The following SGCD variants were observed in gnomAD, a reference collection of about 807,000 sequenced individuals.
SGCD encodes delta-sarcoglycan.
A neutral mutation model predicts 36.6 loss-of-function variants in SGCD; 18 were observed. The observed-to-expected ratio is 0.49, with a 90% CI of 0.34 to 0.73. The LOEUF (loss-of-function observed/expected upper bound fraction) is 0.73, where lower values mean the gene tolerates loss of function less well. Among genes scored for constraint, SGCD ranks in the 30% least tolerant of loss-of-function variants. The pLI, the probability that SGCD is intolerant of heterozygous loss-of-function variation, is 0.01. For synonymous variants in SGCD, 133 were observed against 130.6 expected (o/e 1.02, Z -0.12); for missense variants, 387 against 346.7 (o/e 1.12, Z -0.92).
At chr5:155,911,024 A>G (rs1756617048) in intron 1 of SGCD, among the ~76,000 whole-genome samples, 1 of 152,088 alleles carries the variant, frequency 6.6e-6, no homozygotes, top group Admixed American at 6.6e-5. Flanking sequence ...TTCAAAGACG[A>G]GTAGGGTGAA....
intron 1 of SGCD, among the ~76,000 whole-genome samples, chr5:156,007,797 A>G (rs936382347): frequency 6.6e-6 from 1 of 152,252 alleles, no homozygotes; most frequent in Non-Finnish European, 1.5e-5. Flanking sequence ...ACAAAAAGCT[A>G]TCCAGATGTT....
Position 156,759,417 on chromosome 5 carries a change from G to A in SGCD, c.*27G>A. 6 of 1,549,714 alleles carry A rather than the reference G, an allele frequency of 3.9e-6. No individual in the cohort carries two copies. Among genetic ancestry groups the A allele is most frequent in the Non-Finnish European group, 5.3e-6 (6 of 1,141,616 alleles). ...AGACTATCCATAGTGGACATTGTTGGCAGCATAAAGGCCTTTTTTGGCTTT... is the reference window on the plus strand; with the variant it reads ...AGACTATCCATAGTGGACATTGTTGACAGCATAAAGGCCTTTTTTGGCTTT... On this transcript the variant is annotated 3_prime_UTR_variant, in exon 9 of 9. Coordinates refer to ENST00000337851, the MANE Select transcript of SGCD (RefSeq NM_000337.6).
rs368727803 is a variant in SGCD, at chr5:156,612,593, A to T, written c.502+17542A>T. Among the ~76,000 whole-genome samples the T allele has an allele frequency of 7.2e-5, 11 of 152,328 alleles. 1 individual carries two copies. In the East Asian group the frequency reaches 2.1e-3, roughly 29 times the overall value. On this transcript the variant is annotated intron_variant, in intron 6 of 8. Coordinates refer to ENST00000337851, the MANE Select transcript of SGCD (RefSeq NM_000337.6). ...TTCCCCACTATGCAGGTCTGCCTGTATGGGGGTAAGGGTGTTGGATGGATT... is the reference window on the plus strand; with the variant it reads ...TTCCCCACTATGCAGGTCTGCCTGTTTGGGGGTAAGGGTGTTGGATGGATT...
intron 3 of SGCD, among the ~76,000 whole-genome samples, chr5:156,293,888 T>A (rs186371909): frequency 6.6e-6 from 1 of 152,278 alleles, no homozygotes; most frequent in East Asian, 1.9e-4. Flanking sequence ...GAAATTTTGA[T>A]AGGGATTGCA....
intron 4 of SGCD, among the ~76,000 whole-genome samples, chr5:156,513,395 C>T (rs963752677): frequency 7.2e-5 from 11 of 152,152 alleles, no homozygotes; most frequent in Admixed American, 1.3e-4. Context: ...GCTTACTGGT[C>T]GTTTTCTGAT....
rs146114214 is a variant in SGCD at position 156,560,500 on chromosome 5, A to C, written c.295-28731A>C. Among the ~76,000 whole-genome samples the C allele has an allele frequency of 1.8e-4, 28 of 152,304 alleles. No homozygotes were observed. In the East Asian group the frequency reaches 4.8e-3, roughly 26 times the overall value. ...TTCCATATGATGATGGCATTAATGC[A>C]CCTGTAGGCTATGTTTATGTGGCAA... is the stretch of plus-strand genomic sequence containing the variant. On this transcript the variant is annotated intron_variant, in intron 4 of 8. Transcript: ENST00000337851.
At chr5:155,961,228 A>G (rs568883739) in intron 1 of SGCD, among the ~76,000 whole-genome samples, 3 of 152,228 alleles carry the variant, frequency 2.0e-5, no homozygotes, top group African/African-American at 7.2e-5. Flanking sequence ...AAGAACAAAA[A>G]TAAATATACT....
chr5:156,229,211 T>C (rs1013349686), intron 3 of SGCD, among the ~76,000 whole-genome samples: 26 of 144,788 alleles, frequency 1.8e-4, no homozygotes, highest in Middle Eastern at 7.3e-3. Flanking sequence ...TGAGTTAATA[T>C]TTAATAAACT....
the SGCD span, among the ~76,000 whole-genome samples, chr5:155,779,869 A>T: frequency 6.6e-6 from 1 of 152,108 alleles, no homozygotes; most frequent in Non-Finnish European, 1.5e-5. Context: ...TCATATTTTA[A>T]TTTTTTAAAT....
At chr5:155,807,285 C>A in the SGCD span, among the ~76,000 whole-genome samples, 1 of 152,196 alleles carries the variant, frequency 6.6e-6, no homozygotes, top group African/African-American at 2.4e-5. Flanking sequence ...TGTAATAGCA[C>A]ACCATAAATT....
chr5:156,322,282 A>T (rs1767690595), upstream of SGCD, among the ~76,000 whole-genome samples: 1 of 152,338 alleles, frequency 6.6e-6, no homozygotes, highest in Admixed American at 6.5e-5. Context: ...AGTAAATGAG[A>T]TCTAAAAAGT....
intron 2 of SGCD, among the ~76,000 whole-genome samples, chr5:156,333,446 AC>A (rs1768165002): frequency 6.6e-6 from 1 of 152,228 alleles, no homozygotes; most frequent in South Asian, 2.1e-4. Flanking sequence ...TCTAGCTAAT[AC>A]AATCACAAAA....
At chr5:156,088,745 A>G (rs1761164735) in intron 1 of SGCD, among the ~76,000 whole-genome samples, 2 of 152,186 alleles carry the variant, frequency 1.3e-5, no homozygotes, top group South Asian at 4.1e-4. Context: ...CAAGTGTTTC[A>G]TTCTATTCAT....
chr5:156,078,192 A>G (rs1206625426), intron 1 of SGCD, among the ~76,000 whole-genome samples: 4 of 152,024 alleles, frequency 2.6e-5, no homozygotes, highest in African/African-American at 9.6e-5. Flanking sequence ...TTTTATTAAG[A>G]TAATTGTGAA....
intron 3 of SGCD, among the ~76,000 whole-genome samples, chr5:156,394,322 T>C (rs907847096): frequency 6.6e-6 from 1 of 152,218 alleles, no homozygotes; most frequent in Non-Finnish European, 1.5e-5. Context: ...AATGATCTCT[T>C]CAGTACTTTG....
chr5:156,509,382 G>A (rs367833305), intron 4 of SGCD, among the ~76,000 whole-genome samples: 8 of 152,132 alleles, frequency 5.3e-5, no homozygotes, highest in African/African-American at 9.7e-5. Context: ...CCAAGATCAC[G>A]CCACTGGACT....
intron 7 of SGCD, among the ~76,000 whole-genome samples, chr5:156,746,291 C>T (rs185687733): frequency 6.6e-6 from 1 of 152,272 alleles, no homozygotes; most frequent in African/African-American, 2.4e-5. Context: ...CAAAATCTCT[C>T]TCACAAAAGG....
At chr5:156,632,161 G>A (rs536338746) in intron 6 of SGCD, among the ~76,000 whole-genome samples, 6 of 152,120 alleles carry the variant, frequency 3.9e-5, no homozygotes, top group African/African-American at 1.4e-4. Flanking sequence ...CTTCATTCAG[G>A]CAGCCATAGC....
rs376985509 is a variant in SGCD, at chr5:156,399,711, C to T, written c.192+55034C>T. ...ATTGTCCATTTCCCTTGTTAATGTG[C>T]CCTGCCTTCTCCCTACACTGTGTGG... On this transcript the variant is annotated intron_variant, in intron 3 of 8. Coordinates refer to ENST00000337851, the MANE Select transcript of SGCD (RefSeq NM_000337.6). 2.6e-5 allele frequency among the ~76,000 whole-genome samples: 4 copies of T among 152,102 alleles called. No homozygotes were observed. In the East Asian group the frequency reaches 7.7e-4, roughly 29 times the overall value.
Sources: allele counts gnomAD v4.1 joint callset (sites outside exome capture counted in the v4.1 genomes callset), GRCh38; gene constraint gnomAD v4.1.1; transcripts MANE v1.5; gene names NCBI Gene and HGNC (gene_info 2026-07-23, HGNC 2026-07-21).